The following DENND5B variants were observed in gnomAD, a reference collection of about 807,000 sequenced individuals.
DENND5B encodes DENN domain-containing protein 5B.
A neutral mutation model predicts 140.6 loss-of-function variants in DENND5B; 34 were observed. That is an observed-to-expected ratio of 0.24 (90% confidence interval 0.18 to 0.32). The LOEUF (loss-of-function observed/expected upper bound fraction) is 0.32. Ranked by LOEUF, DENND5B falls within the 10% of genes least tolerant of loss-of-function variation. The pLI, the probability that DENND5B is intolerant of heterozygous loss-of-function variation, is 1.00. For synonymous variants in DENND5B, 551 were observed against 562.1 expected (o/e 0.98, Z 0.28); for missense variants, 1,142 against 1,560.2 (o/e 0.73, Z 4.52).
At position 31,549,485 on chromosome 12, in the gene DENND5B, C is replaced by T. The variant is rs116811807; in HGVS notation, c.127+41221G>A. On this transcript the variant is annotated intron_variant, in intron 1 of 20. Coordinates refer to ENST00000389082, the MANE Select transcript of DENND5B (RefSeq NM_144973.4). The stretch of plus-strand genomic sequence containing the variant: ...TAGAAAATTATTACTTTCTTGGGTC[C>T]TATGGGTTTCCATAAAAGGCCATTC... 9.4e-3 allele frequency among the ~76,000 whole-genome samples: 1,407 copies of T among 150,100 alleles called. 24 individuals carry two copies. The highest frequency in any genetic ancestry group is 0.033 in the African/African-American group (1,332 of 40,770).
At chr12:31,446,112 C>A (rs751692517) in intron 6 of DENND5B, among the ~76,000 whole-genome samples, 3 of 152,062 alleles carry the variant, frequency 2.0e-5, no homozygotes, top group Non-Finnish European at 4.4e-5. Flanking sequence ...CTATATTACA[C>A]TCCTAGACAA....
intron 14 of DENND5B, among the ~76,000 whole-genome samples, chr12:31,405,895 G>A (rs1476482063): frequency 6.6e-6 from 1 of 151,528 alleles, no homozygotes; most frequent in Non-Finnish European, 1.5e-5. Flanking sequence ...GCCCAGGCTC[G>A]AGTGCAGTGG....
At chr12:31,562,362 C>T (rs1310381785) in intron 1 of DENND5B, among the ~76,000 whole-genome samples, 1 of 152,156 alleles carries the variant, frequency 6.6e-6, no homozygotes, top group African/African-American at 2.4e-5. Flanking sequence ...ATAATCCCAG[C>T]ACGTTGGGAG....
intron 1 of DENND5B, among the ~76,000 whole-genome samples, chr12:31,510,093 T>C (rs1947352760): frequency 6.6e-6 from 1 of 152,210 alleles, no homozygotes; most frequent in Non-Finnish European, 1.5e-5. Flanking sequence ...ACTTCGTGTG[T>C]CTGAAACAAC....
rs1190532824 is a variant in DENND5B at position 31,454,489 on chromosome 12, G to A, written c.1093-2013C>T. 2.6e-5 allele frequency among the ~76,000 whole-genome samples: 4 copies of A among 152,070 alleles called. No homozygotes were observed. In the East Asian group the frequency reaches 5.8e-4, roughly 22 times the overall value. ...GATGTAGTCTTGCTCTGTCACCCAG[G>A]CTGGAGTGTAGTGGTGCGATCTCAG... On this transcript the variant is annotated intron_variant, in intron 4 of 20. Coordinates refer to ENST00000389082, the MANE Select transcript of DENND5B (RefSeq NM_144973.4).
chr12:31,559,220 C>T (rs1055841754), intron 1 of DENND5B, among the ~76,000 whole-genome samples: 4 of 152,160 alleles, frequency 2.6e-5, no homozygotes. Context: ...GAACTCATGG[C>T]AAATTAAGCT....
intron 8 of DENND5B, chr12:31,432,918 T>C (rs1943575304): frequency 4.5e-6 from 2 of 447,180 alleles, no homozygotes; most frequent in African/African-American, 2.0e-5. Flanking sequence ...CTTTACTTGA[T>C]GTAATACACA....
chr12:31,407,662 GC>G (rs1396703468), intron 14 of DENND5B, among the ~76,000 whole-genome samples: 1 of 152,128 alleles, frequency 6.6e-6, no homozygotes, highest in Non-Finnish European at 1.5e-5. Flanking sequence ...CACAGATCCT[GC>G]CCCTCCTTGG....
At chr12:31,400,808 C>CTATT (rs1443642315) in intron 15 of DENND5B, among the ~76,000 whole-genome samples, 1 of 149,370 alleles carries the variant, frequency 6.7e-6, no homozygotes, top group African/African-American at 2.5e-5. Context: ...CTTATTCACT[C>CTATT]TATTTTTTTG....
chr12:31,574,267 A>AAT lies in DENND5B; in HGVS notation c.127+16438_127+16439insAT, dbSNP rs1555175967. Among the ~76,000 whole-genome samples, 213 of 89,716 alleles carry AAT rather than the reference A, an allele frequency of 2.4e-3. 1 individual carries two copies. The highest frequency in any genetic ancestry group is 1.1e-3 in the Non-Finnish European group (40 of 37,914). The allele number at this position is 89,716 out of a possible 152,430, so 58.9% of individuals were successfully genotyped here. A position where few individuals can be genotyped will look rare whatever the true frequency, so the allele number is the denominator to read the frequency against. ...GAGAGAATGAGACCCTGTCTCTAAA[A>AAT]AATAATAATAATAATAATAATAATA... is the stretch of plus-strand genomic sequence containing the variant. On this transcript the variant is annotated intron_variant, in intron 1 of 20. Transcript: ENST00000389082.
intron 1 of DENND5B, among the ~76,000 whole-genome samples, chr12:31,556,046 T>C (rs1380146878): frequency 6.6e-6 from 1 of 152,212 alleles, no homozygotes; most frequent in Non-Finnish European, 1.5e-5. Context: ...TTGCGCGTGG[T>C]GCGCTGCACC....
At chr12:31,489,776 C>CT (rs1340182101) in intron 2 of DENND5B, among the ~76,000 whole-genome samples, 1 of 152,066 alleles carries the variant, frequency 6.6e-6, no homozygotes, top group African/African-American at 2.4e-5. Context: ...CTAAGAGAAC[C>CT]TAAGGTGACC....
At chr12:31,515,046 A>T (rs1008056565) in intron 1 of DENND5B, among the ~76,000 whole-genome samples, 3 of 152,160 alleles carry the variant, frequency 2.0e-5, no homozygotes, top group African/African-American at 7.2e-5. Flanking sequence ...TTACTTGAGC[A>T]CAGAAGTTCA....
At chr12:31,437,912 C>A (rs1025837778) in intron 7 of DENND5B, among the ~76,000 whole-genome samples, 2 of 152,230 alleles carry the variant, frequency 1.3e-5, no homozygotes, top group African/African-American at 4.8e-5. Flanking sequence ...AGCATAATAT[C>A]ACATTTTAAC....
At chr12:31,399,989 A>G (rs1941708815) in intron 15 of DENND5B, among the ~76,000 whole-genome samples, 1 of 152,220 alleles carries the variant, frequency 6.6e-6, no homozygotes, top group Non-Finnish European at 1.5e-5. Context: ...TAACTACCAA[A>G]TGAGGGGCAC....
chr12:31,558,120 A>G (rs1223164857), intron 1 of DENND5B, among the ~76,000 whole-genome samples: 1 of 152,218 alleles, frequency 6.6e-6, no homozygotes, highest in African/African-American at 2.4e-5. Flanking sequence ...CACTACCTTG[A>G]TAACAGCGCT....
At chr12:31,527,987 G>A (rs1283345323) in intron 1 of DENND5B, among the ~76,000 whole-genome samples, 1 of 152,108 alleles carries the variant, frequency 6.6e-6, no homozygotes, top group Non-Finnish European at 1.5e-5. Flanking sequence ...AAAAGGTGAG[G>A]GAGATTATTT....
intron 1 of DENND5B, among the ~76,000 whole-genome samples, chr12:31,537,579 A>G (rs1305079081): frequency 1.3e-5 from 2 of 152,196 alleles, no homozygotes; most frequent in African/African-American, 4.8e-5. Context: ...TAAAACAACC[A>G]GAAAATAAGT....
At chr12:31,534,878 C>T (rs1037320040) in intron 1 of DENND5B, 12 of 416,012 alleles carry the variant, frequency 2.9e-5, no homozygotes, top group African/African-American at 1.1e-4. Context: ...TTTGCTGTCT[C>T]CTTTCCCAGC....
Sources: allele counts gnomAD v4.1 joint callset (sites outside exome capture counted in the v4.1 genomes callset), GRCh38; gene constraint gnomAD v4.1.1; transcripts MANE v1.5; gene names NCBI Gene and HGNC (gene_info 2026-07-23, HGNC 2026-07-21).